Variants in SHROOM4 observed in about 807,000 individuals in gnomAD.
SHROOM4 encodes the protein protein Shroom4.
In SHROOM4, 17 loss-of-function variants were observed where a neutral mutation model predicts 80.3. That is an observed-to-expected ratio of 0.21 (90% confidence interval 0.14 to 0.32). The LOEUF (loss-of-function observed/expected upper bound fraction) is 0.32. Among genes scored for constraint, SHROOM4 ranks in the 10% least tolerant of loss-of-function variants. The pLI, the probability that SHROOM4 is intolerant of heterozygous loss-of-function variation, is 1.00. For synonymous variants in SHROOM4, 400 were observed against 437.5 expected (o/e 0.91, Z 1.07); for missense variants, 993 against 1,140.3 (o/e 0.87, Z 1.86).
chrX:50,743,863 G>A (rs782492241), intron 1 of SHROOM4, among the ~76,000 whole-genome samples: 10 of 111,904 alleles, frequency 8.9e-5, no homozygotes, highest in East Asian at 2.8e-4. Flanking sequence ...CATTTTTGAC[G>A]ATTAGTTTTT....
intron 1 of SHROOM4, among the ~76,000 whole-genome samples, chrX:50,808,837 A>C (rs1936277931): frequency 9.0e-6 from 1 of 110,774 alleles, no homozygotes; most frequent in Non-Finnish European, 1.9e-5. Context: ...AAAATCCTCT[A>C]ATAGGCTTGA....
chrX:50,803,833 G>A (rs782793181), intron 1 of SHROOM4, among the ~76,000 whole-genome samples: 1 of 112,207 alleles, frequency 8.9e-6, no homozygotes, highest in South Asian at 3.8e-4. Context: ...ACAAATCTGT[G>A]TTGACTGGTT....
chrX:50,780,574 C>A (rs987514924), intron 1 of SHROOM4, among the ~76,000 whole-genome samples: 2 of 111,643 alleles, frequency 1.8e-5, no homozygotes, highest in Non-Finnish European at 3.8e-5. Context: ...GGCACAAAAG[C>A]ACTATATGGG....
rs782707809 is a variant in SHROOM4 at position 50,628,358 on chromosome X, CTT to C, written c.2896-685_2896-684del. Among the ~76,000 whole-genome samples, 5 of 108,193 alleles carry C rather than the reference CTT, an allele frequency of 4.6e-5. No individual in the cohort carries two copies. The East Asian group carries it at 1.5e-3, about 31-fold the overall frequency. 94.0% of individuals were successfully genotyped at this position (108,193 alleles called of 115,157 possible). A position where few individuals can be genotyped will look rare whatever the true frequency, so the allele number is the denominator to read the frequency against. On this transcript the variant is annotated intron_variant, in intron 4 of 8. Coordinates refer to ENST00000376020, the MANE Select transcript of SHROOM4 (RefSeq NM_020717.5). ...CCTTAAGGGCCATGTCCAAGCAACT[CTT>C]TTTTTTTTCTAGGCCAAGCCATATG...
At chrX:50,795,085 TATG>T (rs1935949728) in intron 1 of SHROOM4, among the ~76,000 whole-genome samples, 13 of 67,729 alleles carry the variant, frequency 1.9e-4, no homozygotes, top group South Asian at 7.5e-4. Context: ...GATATATATA[TATG>T]ATATATATAT....
intron 2 of SHROOM4, among the ~76,000 whole-genome samples, chrX:50,694,499 T>C (rs1933311634): frequency 9.3e-6 from 1 of 108,084 alleles, no homozygotes; most frequent in Non-Finnish European, 1.9e-5. Flanking sequence ...GTGTGTCTTC[T>C]TTTAAGAAAT....
At chrX:50,674,464 C>T (rs184403501) in intron 2 of SHROOM4, among the ~76,000 whole-genome samples, 1 of 110,916 alleles carries the variant, frequency 9.0e-6, no homozygotes, top group Admixed American at 9.6e-5. Flanking sequence ...AAAAGCAATT[C>T]AATGGAAAAA....
intron 1 of SHROOM4, among the ~76,000 whole-genome samples, chrX:50,702,368 T>C (rs1933540252): frequency 9.0e-6 from 1 of 111,492 alleles, no homozygotes; most frequent in African/African-American, 3.3e-5. Context: ...AGTGCACGTG[T>C]CCATAAAAAG....
chrX:50,804,124 G>T (rs1459222388), intron 1 of SHROOM4, among the ~76,000 whole-genome samples: 4 of 111,911 alleles, frequency 3.6e-5, no homozygotes, highest in Non-Finnish European at 7.5e-5. Flanking sequence ...GAATGCGCTT[G>T]CTTGCTTTCT....
intron 1 of SHROOM4, among the ~76,000 whole-genome samples, chrX:50,715,083 G>A (rs782583070): frequency 4.5e-5 from 5 of 111,464 alleles, no homozygotes; most frequent in Non-Finnish European, 9.4e-5. Context: ...AAAATAAGAA[G>A]GCTGTTTGAG....
chrX:50,621,694 TA>T (rs1227448943), intron 5 of SHROOM4, among the ~76,000 whole-genome samples: 1 of 112,313 alleles, frequency 8.9e-6, no homozygotes, highest in Non-Finnish European at 1.9e-5. Context: ...CACTTAGTTA[TA>T]CTTGTGACAA....
Position 50,589,284 on chromosome X carries a change from A to C in SHROOM4, c.*7411T>G, listed in dbSNP as rs1928816625. Among the ~76,000 whole-genome samples, 1 of 112,276 alleles carries C rather than the reference A, an allele frequency of 8.9e-6. No individual in the cohort carries two copies. The highest frequency in any genetic ancestry group is 3.7e-4 in the South Asian group (1 of 2,706). On this transcript the variant is annotated 3_prime_UTR_variant, in exon 9 of 9. Transcript: ENST00000376020. ...AAATAATCAATAGCTTTTTTAAAAA[A>C]ACACACTTATTGAGAAATAATTCAT... is the stretch of plus-strand genomic sequence containing the variant.
intron 5 of SHROOM4, among the ~76,000 whole-genome samples, chrX:50,611,148 T>C (rs948435441): frequency 1.7e-4 from 14 of 84,746 alleles, no homozygotes; most frequent in African/African-American, 2.4e-4. Context: ...TTTTTTCTTT[T>C]TTTTTTTTTT....
chrX:50,650,511 T>C (rs1932002170), intron 2 of SHROOM4, among the ~76,000 whole-genome samples: 3 of 109,361 alleles, frequency 2.7e-5, no homozygotes, highest in Non-Finnish European at 5.7e-5. Context: ...CCACCACGCC[T>C]GGCTAATTTT....
At chrX:50,683,858 A>G (rs921039956) in intron 2 of SHROOM4, among the ~76,000 whole-genome samples, 3 of 111,664 alleles carry the variant, frequency 2.7e-5, no homozygotes, top group Non-Finnish European at 5.6e-5. Flanking sequence ...TAAATCACCC[A>G]GAATGTACAG....
At chrX:50,694,857 A>T (rs1028094813) in intron 2 of SHROOM4, among the ~76,000 whole-genome samples, 5 of 107,865 alleles carry the variant, frequency 4.6e-5, no homozygotes, top group Admixed American at 1.0e-4. Flanking sequence ...AAGGAGAAAG[A>T]CGGGGCAGGA....
intron 2 of SHROOM4, among the ~76,000 whole-genome samples, chrX:50,638,515 G>C (rs191185118): frequency 8.9e-6 from 1 of 112,545 alleles, no homozygotes; most frequent in Non-Finnish European, 1.9e-5. Context: ...TCATAGGGCT[G>C]CTTTGTTCAC....
At chrX:50,694,623 T>C (rs1933322123) in intron 2 of SHROOM4, among the ~76,000 whole-genome samples, 1 of 84,563 alleles carries the variant, frequency 1.2e-5, no homozygotes, top group African/African-American at 4.6e-5. Context: ...TAAAGGAAGG[T>C]GGGGGCAAAA....
At chrX:50,700,137 CT>C (rs11317788) in intron 1 of SHROOM4, among the ~76,000 whole-genome samples, 6,079 of 111,733 alleles carry the variant, frequency 0.054, 444 homozygotes, top group African/African-American at 0.19. Context: ...GCCCATACTG[CT>C]ACCTCCACCA....
Sources: allele counts gnomAD v4.1 joint callset (sites outside exome capture counted in the v4.1 genomes callset), GRCh38; gene constraint gnomAD v4.1.1; transcripts MANE v1.5; gene names NCBI Gene and HGNC (gene_info 2026-07-23, HGNC 2026-07-21).